Variants in UVRAG observed in about 807,000 individuals in gnomAD.
UVRAG encodes UV radiation resistance-associated gene protein.
Under a neutral mutation model 78.0 loss-of-function variants are expected in UVRAG, and 19 were observed. The observed-to-expected ratio is 0.24, with a 90% CI of 0.17 to 0.36. The LOEUF (loss-of-function observed/expected upper bound fraction) is 0.36, where lower values mean the gene tolerates loss of function less well. Ranked by LOEUF, UVRAG falls within the 10% of genes least tolerant of loss-of-function variation. The probability of loss-of-function intolerance (pLI) is 1.00; values close to 1 mark genes in which losing one functional copy is unlikely to be tolerated. For missense variants in UVRAG, 740 were observed against 853.8 expected, an observed-to-expected ratio of 0.87 and a Z score of 1.66; for synonymous variants, 323 against 324.6, an observed-to-expected ratio of 1.00 and a Z score of 0.05.
At chr11:76,133,875 C>T (rs1196703135) in intron 14 of UVRAG, among the ~76,000 whole-genome samples, 4 of 151,524 alleles carry the variant, frequency 2.6e-5, no homozygotes, top group African/African-American at 9.7e-5. Flanking sequence ...TTGTGTTTCA[C>T]ATTGAACAGA....
chr11:75,994,087 G>C (rs1002200431), intron 8 of UVRAG, among the ~76,000 whole-genome samples: 1 of 152,176 alleles, frequency 6.6e-6, no homozygotes, highest in Non-Finnish European at 1.5e-5. Context: ...TTTCACACAA[G>C]ATTTGGAGGA....
chr11:76,138,948 G>A (rs1344062577), intron 14 of UVRAG, among the ~76,000 whole-genome samples: 1 of 152,204 alleles, frequency 6.6e-6, no homozygotes, highest in Admixed American at 6.5e-5. Context: ...CCCAATTATT[G>A]TGAATTTGGG....
At chr11:75,817,490 G>C (rs554769261) in intron 1 of UVRAG, among the ~76,000 whole-genome samples, 1 of 152,152 alleles carries the variant, frequency 6.6e-6, no homozygotes, top group African/African-American at 2.4e-5. Context: ...TATGAGTGCC[G>C]AGTATGCTAT....
chr11:75,959,900 C>T (rs969741294), intron 6 of UVRAG, among the ~76,000 whole-genome samples: 4 of 152,182 alleles, frequency 2.6e-5, no homozygotes, highest in Admixed American at 2.6e-4. Flanking sequence ...AATATGGAGG[C>T]CCAAGGAGAG....
At chr11:75,949,709 A>AATT (rs1366614113) in intron 6 of UVRAG, among the ~76,000 whole-genome samples, 3 of 144,236 alleles carry the variant, frequency 2.1e-5, no homozygotes, top group African/African-American at 8.3e-5. Context: ...ATATATATAT[A>AATT]TATATACACA....
intron 13 of UVRAG, among the ~76,000 whole-genome samples, chr11:76,091,436 G>C (rs902769505): frequency 2.0e-5 from 3 of 151,982 alleles, no homozygotes; most frequent in African/African-American, 7.2e-5. Context: ...AAAATTCCTT[G>C]AATTACTTCA....
chr11:75,825,403 G>A (rs1221693915), intron 1 of UVRAG, among the ~76,000 whole-genome samples: 2 of 152,174 alleles, frequency 1.3e-5, no homozygotes, highest in Non-Finnish European at 2.9e-5. Flanking sequence ...ATGAGCCACT[G>A]TGCCTGGCCA....
chr11:75,946,236 A>G (rs910232824), intron 6 of UVRAG, among the ~76,000 whole-genome samples: 4 of 152,186 alleles, frequency 2.6e-5, no homozygotes, highest in Admixed American at 1.3e-4. Flanking sequence ...AAAGTGCTCA[A>G]TGTGAAGACA....
At chr11:75,891,238 T>C (rs894743546) in intron 5 of UVRAG, among the ~76,000 whole-genome samples, 3 of 152,208 alleles carry the variant, frequency 2.0e-5, no homozygotes, top group Non-Finnish European at 2.9e-5. Flanking sequence ...ATAAATAATA[T>C]TGAATTCCCA....
chr11:76,092,766 T>G (rs1255153826), intron 13 of UVRAG, among the ~76,000 whole-genome samples: 1 of 152,208 alleles, frequency 6.6e-6, no homozygotes, highest in Non-Finnish European at 1.5e-5. Flanking sequence ...TTGCAAAAAT[T>G]TTCTCCCATT....
At chr11:76,134,225 T>G (rs1326244240) in intron 14 of UVRAG, among the ~76,000 whole-genome samples, 1 of 151,364 alleles carries the variant, frequency 6.6e-6, no homozygotes, top group Non-Finnish European at 1.5e-5. Context: ...CCTCCCAAAG[T>G]GCTGGGATTA....
chr11:75,878,920 A>G lies in UVRAG; in HGVS notation c.271-959A>G, dbSNP rs370862062. 5.8e-3 allele frequency among the ~76,000 whole-genome samples: 493 copies of G among 84,464 alleles called. 3 individuals are homozygous for G. Among genetic ancestry groups the G allele is most frequent in the African/African-American group, 0.017 (421 of 24,278 alleles). The allele number at this position is 84,464 out of a possible 152,430, so 55.4% of individuals were successfully genotyped here. Reference sequence around the variant, plus strand: ...GGGACAGGGAGGGGGAGGGGGAGGGAGAGGGAGAGGGAGAGGGAGACCCCC... The same window carrying G: ...GGGACAGGGAGGGGGAGGGGGAGGGGGAGGGAGAGGGAGAGGGAGACCCCC... On this transcript the variant is annotated intron_variant, in intron 3 of 14. Coordinates refer to ENST00000356136, the MANE Select transcript of UVRAG (RefSeq NM_003369.4).
chr11:75,919,107 A>G (rs918491138), intron 6 of UVRAG, among the ~76,000 whole-genome samples: 3 of 152,250 alleles, frequency 2.0e-5, no homozygotes, highest in African/African-American at 4.8e-5. Flanking sequence ...CTCACAACCA[A>G]TAAATTATCA....
intron 6 of UVRAG, among the ~76,000 whole-genome samples, chr11:75,935,863 C>G (rs372348307): frequency 6.6e-6 from 1 of 152,186 alleles, no homozygotes; most frequent in South Asian, 2.1e-4. Context: ...TTACTGGCAT[C>G]TCATTCATCC....
intron 6 of UVRAG, among the ~76,000 whole-genome samples, chr11:75,938,084 TAC>T (rs142037879): frequency 2.6e-4 from 39 of 151,420 alleles, no homozygotes; most frequent in South Asian, 4.2e-4. Context: ...TATATGTATA[TAC>T]ACACACACAC....
At chr11:75,819,667 A>G (rs1945343142) in intron 1 of UVRAG, among the ~76,000 whole-genome samples, 2 of 151,674 alleles carry the variant, frequency 1.3e-5, no homozygotes, top group Admixed American at 6.6e-5. Flanking sequence ...TATTTTTTAG[A>G]AAGTTTTATT....
chr11:75,879,772 A>G, intron 3 of UVRAG, 107 bp from the exon 4 acceptor site: 3 of 1,440,306 alleles, frequency 2.1e-6, no homozygotes, highest in Non-Finnish European at 2.8e-6. Flanking sequence ...AATTTAATGT[A>G]TTTATGAGGT....
At chr11:75,976,778 C>G (rs1195439506) in intron 7 of UVRAG, among the ~76,000 whole-genome samples, 3 of 152,046 alleles carry the variant, frequency 2.0e-5, no homozygotes, top group Non-Finnish European at 4.4e-5. Flanking sequence ...ATTAGTCTTG[C>G]TAGCGGTCTG....
At chr11:76,037,535 T>C (rs1465360898) in intron 12 of UVRAG, among the ~76,000 whole-genome samples, 1 of 137,986 alleles carries the variant, frequency 7.2e-6, no homozygotes, top group African/African-American at 2.9e-5. Context: ...AGACTTTGTC[T>C]TTACAAAAAA....
Sources: allele counts gnomAD v4.1 joint callset (sites outside exome capture counted in the v4.1 genomes callset), GRCh38; gene constraint gnomAD v4.1.1; transcripts MANE v1.5; gene names NCBI Gene and HGNC (gene_info 2026-07-23, HGNC 2026-07-21).